Variants in MAGI2 observed in about 807,000 individuals in gnomAD.
The protein encoded by MAGI2 is membrane associated guanylate kinase, WW and PDZ domain containing 2.
A neutral mutation model predicts 133.3 loss-of-function variants in MAGI2; 35 were observed. The ratio of observed to expected loss-of-function variants is 0.26; its 90% CI spans 0.20 to 0.35. The LOEUF is 0.35. Among genes scored for constraint, MAGI2 ranks in the 10% least tolerant of loss-of-function variants. The pLI is 1.00. For missense variants in MAGI2, 1,636 were observed against 1,863.4 expected (o/e 0.88, Z 2.25); for synonymous variants, 729 against 710.6 (o/e 1.03, Z -0.41).
chr7:78,314,381 T>C (rs1006040709), intron 9 of MAGI2, among the ~76,000 whole-genome samples: 115 of 152,096 alleles, frequency 7.6e-4, no homozygotes, highest in African/African-American at 2.5e-3. Context: ...TATTATGGGA[T>C]GAAAAAGGAA....
intron 10 of MAGI2, among the ~76,000 whole-genome samples, chr7:78,216,440 A>T (rs73702832): frequency 9.8e-4 from 150 of 152,326 alleles, no homozygotes; most frequent in African/African-American, 3.5e-3. Context: ...TGGCTTCCCC[A>T]TGCTTGTAAG....
intron 9 of MAGI2, among the ~76,000 whole-genome samples, chr7:78,331,806 G>T (rs1789231540): frequency 6.6e-6 from 1 of 152,160 alleles, no homozygotes; most frequent in South Asian, 2.1e-4. Context: ...CCGAGTAGAG[G>T]CCCCATCTAT....
chr7:78,813,239 GT>G (rs1184755695), intron 2 of MAGI2, among the ~76,000 whole-genome samples: 2 of 152,096 alleles, frequency 1.3e-5, no homozygotes, highest in East Asian at 3.8e-4. Context: ...CAAAGTCATA[GT>G]TCAAGAAAAC....
chr7:78,596,314 T>C (rs970468754), intron 3 of MAGI2, among the ~76,000 whole-genome samples: 1 of 152,158 alleles, frequency 6.6e-6, no homozygotes, highest in Non-Finnish European at 1.5e-5. Context: ...AATGGAGCCC[T>C]GAAGATGAAG....
intron 6 of MAGI2, among the ~76,000 whole-genome samples, chr7:78,455,240 A>T (rs1051588050): frequency 7.9e-5 from 12 of 152,304 alleles, no homozygotes; most frequent in African/African-American, 2.9e-4. Context: ...CTGTTCTATA[A>T]AACAGTCTAT....
intron 1 of MAGI2, among the ~76,000 whole-genome samples, chr7:79,212,283 A>G (rs1257126435): frequency 6.6e-6 from 1 of 151,962 alleles, no homozygotes; most frequent in Non-Finnish European, 1.5e-5. Context: ...TGTCTGTAGT[A>G]TTTTGCTATT....
At chr7:78,521,308 T>C (rs544694303) in intron 4 of MAGI2, 122 bp downstream of exon 4, 9 of 584,220 alleles carry the variant, frequency 1.5e-5, no homozygotes, top group Non-Finnish European at 2.7e-5. Context: ...GTAAGAAATA[T>C]ATATGTATAT....
In MAGI2 at chr7:79,118,371, A is replaced by T. The variant is rs1312915582; in HGVS notation, c.302-111165T>A. On this transcript the variant is annotated intron_variant, in intron 1 of 21. Coordinates refer to ENST00000354212, the MANE Select transcript of MAGI2 (RefSeq NM_012301.4). ...AAATACTAGCTTAGTCATTTCTATCAAGTATATATTTTTGCTGAATGTCAT... is the reference window on the plus strand; with the variant it reads ...AAATACTAGCTTAGTCATTTCTATCTAGTATATATTTTTGCTGAATGTCAT... 2.0e-5 allele frequency among the ~76,000 whole-genome samples: 3 copies of T among 152,214 alleles called. No individual in the cohort carries two copies. The East Asian group carries it at 5.8e-4, about 29-fold the overall frequency.
intron 2 of MAGI2, among the ~76,000 whole-genome samples, chr7:78,815,420 A>G (rs1318953019): frequency 6.6e-6 from 1 of 152,226 alleles, no homozygotes; most frequent in Admixed American, 6.5e-5. Context: ...GAGAACTCAG[A>G]GACTAACATT....
intron 2 of MAGI2, among the ~76,000 whole-genome samples, chr7:78,800,193 T>G (rs1453407295): frequency 6.6e-6 from 1 of 152,158 alleles, no homozygotes; most frequent in African/African-American, 2.4e-5. Context: ...AATCAGTTAT[T>G]GAATTGGTCC....
chr7:78,646,267 T>C (rs561416980), intron 2 of MAGI2, among the ~76,000 whole-genome samples: 11 of 152,304 alleles, frequency 7.2e-5, no homozygotes, highest in African/African-American at 2.4e-4. Context: ...TCAGTTGTTA[T>C]ATTATTTCTT....
chr7:78,338,135 C>T (rs1789969009), intron 9 of MAGI2, among the ~76,000 whole-genome samples: 1 of 152,170 alleles, frequency 6.6e-6, no homozygotes, highest in South Asian at 2.1e-4. Context: ...TGACTCTATA[C>T]TGTCTCTGAT....
At chr7:78,020,109 A>T (rs958300051) in intron 21 of MAGI2, 133 bp from the exon 22 acceptor site, 4 of 658,748 alleles carry the variant, frequency 6.1e-6, no homozygotes, top group Non-Finnish European at 8.7e-6. Flanking sequence ...CCCCACCCCC[A>T]CCCCCACCCT....
chr7:78,501,740 G>T lies in MAGI2; in HGVS notation c.802C>A (p.Pro268Thr). 6.2e-7 allele frequency: 1 copy of T among 1,614,002 alleles called. No individual in the cohort carries two copies. Among genetic ancestry groups the T allele is most frequent in the Non-Finnish European group, 8.5e-7 (1 of 1,180,008 alleles). The stretch of plus-strand genomic sequence containing the variant: ...ACTGGTGCAGGATAAGGCTGGGAGG[G>T]CATCTCCCCTGAGGCACCTGCACTT... ...DKSAGASGEM[P>T]SQPYPAPVYS... The change falls in exon 5 of 22, where the codon CCC becomes ACC. Residue 268 changes from proline to threonine, a missense_variant. Pro to Thr is a conservative substitution (Grantham distance 38). Around this residue, in one of 5 missense-constraint regions of MAGI2, gnomAD observed 165 missense variants for 128.4 expected, o/e 1.28. Transcript: ENST00000354212.
intron 2 of MAGI2, among the ~76,000 whole-genome samples, chr7:78,669,617 A>G (rs1406028452): frequency 1.3e-5 from 2 of 149,306 alleles, no homozygotes; most frequent in East Asian, 3.9e-4. Context: ...AGACACAACA[A>G]AAAAAGAGAA....
chr7:78,105,122 T>G (rs1210841943), intron 20 of MAGI2, among the ~76,000 whole-genome samples: 1 of 141,644 alleles, frequency 7.1e-6, no homozygotes, highest in Non-Finnish European at 1.6e-5. Context: ...TAGACATTGT[T>G]TATATTCCCT....
chr7:79,097,646 G>C (rs143327618), intron 1 of MAGI2, among the ~76,000 whole-genome samples: 112 of 152,302 alleles, frequency 7.4e-4, no homozygotes, highest in African/African-American at 2.5e-3. Context: ...TGAAGGCCAA[G>C]AGAAGTACTG....
chr7:79,391,562 T>G (rs529559404), intron 1 of MAGI2, among the ~76,000 whole-genome samples: 11 of 68,350 alleles, frequency 1.6e-4, no homozygotes, highest in Non-Finnish European at 2.6e-5. Flanking sequence ...TATATATATA[T>G]ACACACTTTA....
chr7:78,872,025 T>C (rs1042039395), intron 2 of MAGI2, among the ~76,000 whole-genome samples: 4 of 151,890 alleles, frequency 2.6e-5, no homozygotes, highest in East Asian at 1.9e-4. Context: ...TGTTCTTCCT[T>C]TGAACAACCT....
Sources: allele counts gnomAD v4.1 joint callset (sites outside exome capture counted in the v4.1 genomes callset), GRCh38; gene constraint gnomAD v4.1.1; regional missense constraint gnomAD v4.1.1; transcripts MANE v1.5; gene names NCBI Gene and HGNC (gene_info 2026-07-23, HGNC 2026-07-21).